The following NUBPL variants were observed in gnomAD, a reference collection of about 807,000 sequenced individuals.
NUBPL encodes NUBP iron-sulfur cluster assembly factor, mitochondrial.
NUBPL carries 31 observed loss-of-function variants against 45.7 expected under a neutral mutation model. The ratio of observed to expected loss-of-function variants is 0.68; its 90% CI spans 0.51 to 0.92. NUBPL has a LOEUF of 0.92. Ranked by LOEUF, NUBPL falls within the 40% of genes least tolerant of loss-of-function variation. NUBPL has a pLI of 0.00. For synonymous variants in NUBPL, 144 were observed against 140.9 expected, an observed-to-expected ratio of 1.02 and a Z score of -0.15; for missense variants, 401 against 398.7, an observed-to-expected ratio of 1.01 and a Z score of -0.05.
chr14:31,849,085 T>C (rs1358939070), intron 9 of NUBPL, among the ~76,000 whole-genome samples: 1 of 152,226 alleles, frequency 6.6e-6, no homozygotes, highest in Non-Finnish European at 1.5e-5. Context: ...CGTTGGATAT[T>C]GAGGACTTAT....
intron 7 of NUBPL, among the ~76,000 whole-genome samples, chr14:31,793,387 CCCCAAA>C (rs1244002994): frequency 6.6e-6 from 1 of 152,160 alleles, no homozygotes; most frequent in Non-Finnish European, 1.5e-5. Flanking sequence ...CCGCCATCTT[CCCCAAA>C]CCCGCATTTA....
intron 7 of NUBPL, among the ~76,000 whole-genome samples, chr14:31,821,182 A>G (rs934214741): frequency 6.6e-6 from 1 of 151,984 alleles, no homozygotes; most frequent in Non-Finnish European, 1.5e-5. Flanking sequence ...CAAAGCAAAA[A>G]TGGACAAATG....
At chr14:31,607,638 A>G (rs1265769304) in intron 4 of NUBPL, among the ~76,000 whole-genome samples, 4 of 152,068 alleles carry the variant, frequency 2.6e-5, no homozygotes, top group African/African-American at 9.7e-5. Flanking sequence ...ATCAAGCAGA[A>G]GAAAGAATTA....
chr14:31,675,024 C>T (rs1216857142), intron 6 of NUBPL, among the ~76,000 whole-genome samples: 1 of 151,842 alleles, frequency 6.6e-6, no homozygotes, highest in African/African-American at 2.4e-5. Context: ...GTAGTCCCAG[C>T]TACTCGGGAG....
chr14:31,700,616 G>T (rs1340171234), intron 6 of NUBPL, among the ~76,000 whole-genome samples: 1 of 152,162 alleles, frequency 6.6e-6, no homozygotes, highest in Non-Finnish European at 1.5e-5. Flanking sequence ...GTGGGCGCAG[G>T]CTCGGCGGGC....
At chr14:31,765,938 G>C (rs1435029050) in intron 6 of NUBPL, among the ~76,000 whole-genome samples, 3 of 152,126 alleles carry the variant, frequency 2.0e-5, no homozygotes, top group African/African-American at 7.2e-5. Flanking sequence ...TACAGCTTTA[G>C]TTTTAAAACT....
intron 4 of NUBPL, among the ~76,000 whole-genome samples, chr14:31,610,099 A>G (rs1430971922): frequency 6.6e-6 from 1 of 152,114 alleles, no homozygotes; most frequent in African/African-American, 2.4e-5. Flanking sequence ...TGAAGAAAAC[A>G]ATACAAAAGA....
intron 6 of NUBPL, among the ~76,000 whole-genome samples, chr14:31,746,095 G>C (rs1026417038): frequency 6.6e-6 from 1 of 151,968 alleles, no homozygotes; most frequent in Non-Finnish European, 1.5e-5. Flanking sequence ...GCAGAGTTAA[G>C]GGTTTTCTGT....
At chr14:31,631,248 T>G (rs2035334335) in intron 4 of NUBPL, among the ~76,000 whole-genome samples, 1 of 152,094 alleles carries the variant, frequency 6.6e-6, no homozygotes, top group South Asian at 2.1e-4. Flanking sequence ...GTGTGTGGGT[T>G]GGGGGGCTAC....
At chr14:31,575,760 C>A (rs1380936998) in intron 3 of NUBPL, among the ~76,000 whole-genome samples, 2 of 152,098 alleles carry the variant, frequency 1.3e-5, no homozygotes, top group Non-Finnish European at 2.9e-5. Context: ...CAATACATAA[C>A]ATTTCTTATG....
chr14:31,692,044 A>C (rs1349201060), intron 6 of NUBPL, among the ~76,000 whole-genome samples: 1 of 152,164 alleles, frequency 6.6e-6, no homozygotes, highest in Non-Finnish European at 1.5e-5. Flanking sequence ...TATTTTTTTA[A>C]AGTTAACTTT....
chr14:31,813,362 T>C (rs1054578241), intron 7 of NUBPL, among the ~76,000 whole-genome samples: 10 of 151,990 alleles, frequency 6.6e-5, no homozygotes, highest in Admixed American at 6.6e-4. Flanking sequence ...TCCATTATAC[T>C]GAAGAGCCAG....
intron 6 of NUBPL, among the ~76,000 whole-genome samples, chr14:31,729,878 G>C (rs1774649001): frequency 6.6e-6 from 1 of 152,090 alleles, no homozygotes; most frequent in Admixed American, 6.5e-5. Flanking sequence ...AGCATCATCA[G>C]TTGAATTTTG....
chr14:31,628,396 T>C (rs1219701892), intron 4 of NUBPL, among the ~76,000 whole-genome samples: 1 of 152,348 alleles, frequency 6.6e-6, no homozygotes, highest in African/African-American at 2.4e-5. Context: ...ATATAAAATA[T>C]ATTTTAAAAT....
chr14:31,826,456 G>A (rs1451045454), intron 7 of NUBPL, among the ~76,000 whole-genome samples, 173 bp from the exon 8 acceptor site: 1 of 152,080 alleles, frequency 6.6e-6, no homozygotes, highest in East Asian at 1.9e-4. Flanking sequence ...TCAAAGGTAG[G>A]CCAAAACAAA....
intron 7 of NUBPL, among the ~76,000 whole-genome samples, chr14:31,823,331 T>C (rs564187561): frequency 6.6e-6 from 1 of 152,248 alleles, no homozygotes; most frequent in African/African-American, 2.4e-5. Context: ...CATAATGTCC[T>C]TGAAGCTATA....
intron 6 of NUBPL, among the ~76,000 whole-genome samples, chr14:31,761,580 G>A (rs2038810677): frequency 6.6e-6 from 1 of 152,130 alleles, no homozygotes; most frequent in Admixed American, 6.6e-5. Context: ...GTTTACCTCA[G>A]TATAGGTTTC....
chr14:31,608,241 G>A (rs1363869885), intron 4 of NUBPL, among the ~76,000 whole-genome samples: 1 of 152,168 alleles, frequency 6.6e-6, no homozygotes, highest in Non-Finnish European at 1.5e-5. Context: ...AGATGTTAAA[G>A]GGAATACTTC....
At chr14:31,784,944 G>A (rs1162191424) in intron 6 of NUBPL, among the ~76,000 whole-genome samples, 1 of 152,150 alleles carries the variant, frequency 6.6e-6, no homozygotes, top group Non-Finnish European at 1.5e-5. Flanking sequence ...CTTGAATGTA[G>A]CAAATATATT....
Sources: gnomAD v4.1 joint callset for allele counts (sites outside exome capture counted in the v4.1 genomes callset) on GRCh38, gnomAD v4.1.1 for gene constraint, MANE v1.5 for transcripts, NCBI Gene and HGNC (gene_info 2026-07-23, HGNC 2026-07-21) for gene names.